Variants in SLC25A21 observed in about 807,000 individuals in gnomAD.
The protein encoded by SLC25A21 is mitochondrial 2-oxodicarboxylate carrier.
Under a neutral mutation model 43.8 loss-of-function variants are expected in SLC25A21, and 47 were observed. The observed-to-expected ratio is 1.07, with a 90% CI of 0.85 to 1.37. The LOEUF (loss-of-function observed/expected upper bound fraction) is 1.37, where lower values mean the gene tolerates loss of function less well. Ranked by LOEUF, SLC25A21 falls within the 40% of genes most tolerant of loss-of-function variation. The probability of loss-of-function intolerance (pLI) is 0.00; values close to 1 mark genes in which losing one functional copy is unlikely to be tolerated. For synonymous variants in SLC25A21, 131 were observed against 121.3 expected (o/e 1.08, Z -0.52); for missense variants, 352 against 350.2 (o/e 1.00, Z -0.04).
chr14:36,701,956 CAAG>C (rs748354185), intron 7 of SLC25A21, among the ~76,000 whole-genome samples: 6 of 152,238 alleles, frequency 3.9e-5, no homozygotes, highest in East Asian at 1.9e-4. Flanking sequence ...GAGAGATAAT[CAAG>C]AAGAAGTCTT....
At chr14:37,020,868 C>T (rs971204741) in intron 1 of SLC25A21, among the ~76,000 whole-genome samples, 5 of 151,878 alleles carry the variant, frequency 3.3e-5, no homozygotes, top group African/African-American at 1.2e-4. Context: ...ATACTACAAC[C>T]CACAGGTTAA....
At chr14:37,028,422 T>G (rs768791618) in intron 1 of SLC25A21, among the ~76,000 whole-genome samples, 13 of 152,178 alleles carry the variant, frequency 8.5e-5, no homozygotes, top group Non-Finnish European at 1.8e-4. Flanking sequence ...TTGAAGCACT[T>G]TATTTCTGCT....
chr14:36,963,844 G>A (rs539019138), intron 1 of SLC25A21, among the ~76,000 whole-genome samples: 10 of 152,120 alleles, frequency 6.6e-5, no homozygotes, highest in Non-Finnish European at 1.2e-4. Flanking sequence ...TAACTGAAGT[G>A]GAAGGATGCT....
intron 3 of SLC25A21, among the ~76,000 whole-genome samples, chr14:36,742,142 G>A (rs1171558794): frequency 6.6e-6 from 1 of 152,132 alleles, no homozygotes; most frequent in Non-Finnish European, 1.5e-5. Context: ...AAATTATACT[G>A]AAATACAGAT....
At chr14:36,759,251 G>C (rs576259557) in intron 3 of SLC25A21, among the ~76,000 whole-genome samples, 2 of 152,234 alleles carry the variant, frequency 1.3e-5, no homozygotes, top group Non-Finnish European at 1.5e-5. Flanking sequence ...GCTCATTTGA[G>C]TGGGCACCCT....
At chr14:37,097,609 G>A (rs67441823) in intron 1 of SLC25A21, among the ~76,000 whole-genome samples, 18,573 of 152,168 alleles carry the variant, frequency 0.12, 2,851 homozygotes, top group African/African-American at 0.36. Context: ...CAGGCAGGGC[G>A]TCGTGGCTCA....
chr14:36,793,008 C>A (rs776260930), intron 3 of SLC25A21, among the ~76,000 whole-genome samples: 81 of 152,308 alleles, frequency 5.3e-4, no homozygotes, highest in Admixed American at 2.2e-3. Context: ...TTGTCTTCCT[C>A]TACTGCCCTT....
Position 36,764,082 on chromosome 14 carries a change from AGG to A in SLC25A21, c.204-29511_204-29510del, listed in dbSNP as rs1566587609. Among the ~76,000 whole-genome samples, 150 of 43,458 alleles carry A rather than the reference AGG, an allele frequency of 3.5e-3. 3 individuals are homozygous for A. Among genetic ancestry groups the A allele is most frequent in the East Asian group, 5.4e-3 (5 of 922 alleles). 28.5% of individuals were successfully genotyped at this position (43,458 alleles called of 152,430 possible). On this transcript the variant is annotated intron_variant, in intron 3 of 9. Coordinates refer to ENST00000331299, the MANE Select transcript of SLC25A21 (RefSeq NM_030631.4). Reference sequence around the variant, plus strand: ...AAAGAAAGAAAGAAAGAAAGAAAGAAGGAAGGAAGGAAGGAAGGAAGGAAGGA... The same window carrying A: ...AAAGAAAGAAAGAAAGAAAGAAAGAAAAGGAAGGAAGGAAGGAAGGAAGGA...
intron 1 of SLC25A21, among the ~76,000 whole-genome samples, chr14:37,017,708 A>G (rs1287331259): frequency 6.6e-6 from 1 of 152,072 alleles, no homozygotes; most frequent in African/African-American, 2.4e-5. Flanking sequence ...CTTCATTTCT[A>G]AAATCACTTA....
chr14:37,161,679 G>A (rs1307218656), intron 1 of SLC25A21, among the ~76,000 whole-genome samples: 12 of 151,802 alleles, frequency 7.9e-5, no homozygotes, highest in Non-Finnish European at 1.3e-4. Context: ...GGGAGAGAAC[G>A]GCCAGGCACG....
At chr14:37,032,367 C>A (rs554454778) in intron 1 of SLC25A21, among the ~76,000 whole-genome samples, 1 of 152,004 alleles carries the variant, frequency 6.6e-6, no homozygotes, top group Non-Finnish European at 1.5e-5. Context: ...AACCCTGTCT[C>A]TACCACAAAA....
intron 2 of SLC25A21, among the ~76,000 whole-genome samples, chr14:36,823,244 AC>A (rs1441035230): frequency 6.6e-6 from 1 of 152,188 alleles, no homozygotes; most frequent in African/African-American, 2.4e-5. Context: ...ATGTTAAACC[AC>A]AAGTAATAAA....
intron 3 of SLC25A21, among the ~76,000 whole-genome samples, chr14:36,749,049 T>C (rs888947257): frequency 2.0e-5 from 3 of 152,240 alleles, no homozygotes; most frequent in Non-Finnish European, 4.4e-5. Context: ...GCCAATCCAA[T>C]GTGGCCAACT....
intron 1 of SLC25A21, among the ~76,000 whole-genome samples, chr14:36,944,426 G>A (rs1304919974): frequency 1.3e-5 from 2 of 152,122 alleles, no homozygotes; most frequent in Non-Finnish European, 2.9e-5. Flanking sequence ...GCTTTCTGAA[G>A]GAGGCAGCTG....
chr14:36,848,420 T>C (rs894406674), intron 2 of SLC25A21, among the ~76,000 whole-genome samples: 3 of 152,218 alleles, frequency 2.0e-5, no homozygotes, highest in African/African-American at 4.8e-5. Flanking sequence ...TTCCAAATTA[T>C]GCAACTTTGG....
chr14:36,706,889 A>C (rs756778011), intron 7 of SLC25A21, among the ~76,000 whole-genome samples: 1 of 149,400 alleles, frequency 6.7e-6, no homozygotes, highest in Non-Finnish European at 1.5e-5. Context: ...CAGAGTCACC[A>C]CTGCAACCAG....
chr14:36,881,790 G>A lies in SLC25A21; in HGVS notation c.71-6786C>T, dbSNP rs577725592. Among the ~76,000 whole-genome samples the A allele has an allele frequency of 1.1e-4, 16 of 152,244 alleles. No individual in the cohort carries two copies. In the South Asian group the frequency reaches 3.3e-3, roughly 32 times the overall value. ...ACCTCTGCCTTTACCTAGGAACAGT[G>A]TTGCAATGGGCTTTAGTAACCGTTT... is the stretch of plus-strand genomic sequence containing the variant. On this transcript the variant is annotated intron_variant, in intron 1 of 9. Coordinates refer to ENST00000331299, the MANE Select transcript of SLC25A21 (RefSeq NM_030631.4).
chr14:36,776,146 T>C (rs988947544), intron 3 of SLC25A21, among the ~76,000 whole-genome samples: 1 of 150,334 alleles, frequency 6.7e-6, no homozygotes, highest in African/African-American at 2.4e-5. Flanking sequence ...TGGTACATTG[T>C]TTTTTTTTCA....
intron 2 of SLC25A21, among the ~76,000 whole-genome samples, chr14:36,855,716 G>T (rs1889877139): frequency 6.6e-6 from 1 of 152,178 alleles, no homozygotes; most frequent in South Asian, 2.1e-4. Context: ...GTCTCCCCAT[G>T]TGTGGAGCAA....
Sources: gnomAD v4.1 joint callset for allele counts (sites outside exome capture counted in the v4.1 genomes callset) on GRCh38, gnomAD v4.1.1 for gene constraint, MANE v1.5 for transcripts, NCBI Gene and HGNC (gene_info 2026-07-23, HGNC 2026-07-21) for gene names.